FBXO34: variants seen among roughly 807,000 people sequenced by gnomAD.
The protein encoded by FBXO34 is F-box protein 34.
In FBXO34, 12 loss-of-function variants were observed where a neutral mutation model predicts 24.5. That is an observed-to-expected ratio of 0.49 (90% CI 0.31 to 0.79). The LOEUF (loss-of-function observed/expected upper bound fraction) is 0.79, where lower values mean the gene tolerates loss of function less well. FBXO34 is among the 30% of genes least tolerant of loss of function. The pLI is 0.04. For synonymous variants in FBXO34, 320 were observed against 311.9 expected (o/e 1.03, Z -0.27); for missense variants, 823 against 857.7 (o/e 0.96, Z 0.51).
chr14:55,287,884 C>T (rs1881814154), intron 1 of FBXO34, among the ~76,000 whole-genome samples: 2 of 152,180 alleles, frequency 1.3e-5, no homozygotes, highest in South Asian at 2.1e-4. Context: ...TGCATCATGT[C>T]GGCAATAAGC....
chr14:55,321,150 G>A (rs1269422440), intron 1 of FBXO34, among the ~76,000 whole-genome samples: 5 of 144,088 alleles, frequency 3.5e-5, no homozygotes, highest in Non-Finnish European at 7.6e-5. Context: ...GTAAAAGCAA[G>A]GCTGATATGG....
chr14:55,440,788 C>T, the FBXO34 span, among the ~76,000 whole-genome samples: 1 of 152,132 alleles, frequency 6.6e-6, no homozygotes, highest in Non-Finnish European at 1.5e-5. Context: ...TCCTTCGATA[C>T]TCGCAATGTG....
At chr14:55,391,062 T>C in the FBXO34 span, 2 of 1,000,696 alleles carry the variant, frequency 2.0e-6, no homozygotes, top group East Asian at 2.6e-5. Flanking sequence ...CTACCTGGGA[T>C]CACTGCTTAT....
intron 1 of FBXO34, among the ~76,000 whole-genome samples, chr14:55,299,499 AAAAAG>A (rs1294629460): frequency 6.6e-6 from 1 of 152,160 alleles, no homozygotes. Flanking sequence ...AAATCCAAAA[AAAAAG>A]CAAATTCTAG....
intron 1 of FBXO34, among the ~76,000 whole-genome samples, chr14:55,315,540 G>A (rs1415955207): frequency 6.6e-6 from 1 of 152,154 alleles, no homozygotes; most frequent in Non-Finnish European, 1.5e-5. Flanking sequence ...GCCTGTGAAA[G>A]GGTTTATGTA....
At chr14:55,394,026 A>C in the FBXO34 span, among the ~76,000 whole-genome samples, 1 of 124,606 alleles carries the variant, frequency 8.0e-6, no homozygotes, top group African/African-American at 3.1e-5. Flanking sequence ...TTTTTTTTTG[A>C]GATGGAGTGT....
the FBXO34 span, chr14:55,440,430 T>C: frequency 1.9e-6 from 3 of 1,612,910 alleles, no homozygotes; most frequent in Non-Finnish European, 2.5e-6. Flanking sequence ...GAGCTCCAGG[T>C]AGGTCTCCTC....
chr14:55,348,077 TAGAA>T (rs112920022), intron 1 of FBXO34, among the ~76,000 whole-genome samples: 1,700 of 152,338 alleles, frequency 0.011, 14 homozygotes, highest in Middle Eastern at 0.027. Flanking sequence ...AGTATAATGA[TAGAA>T]AGCTATTAAA....
chr14:55,420,830 C>T, the FBXO34 span, among the ~76,000 whole-genome samples: 11 of 152,010 alleles, frequency 7.2e-5, no homozygotes, highest in Non-Finnish European at 1.0e-4. Flanking sequence ...GTGGCCGAGG[C>T]GGGTGGATCA....
At chr14:55,346,205 A>G (rs1284613600) in intron 1 of FBXO34, among the ~76,000 whole-genome samples, 1 of 152,170 alleles carries the variant, frequency 6.6e-6, no homozygotes, top group Non-Finnish European at 1.5e-5. Context: ...AGTGTGAAGT[A>G]TGGTAGAGCA....
Position 55,352,892 on chromosome 14 carries a change from C to T in FBXO34, c.*366C>T, listed in dbSNP as rs1488770431. ...GCAGGTAGTCCTCAAAAATGGGTTC[C>T]AGAAATGTTTTGAGCACTGGCAACA... is the stretch of plus-strand genomic sequence containing the variant. On this transcript the variant is annotated 3_prime_UTR_variant, in exon 2 of 2. Coordinates refer to ENST00000313833, the MANE Select transcript of FBXO34 (RefSeq NM_017943.4). The T allele has an allele frequency of 2.1e-5, 4 of 193,996 alleles. No homozygotes were observed. The highest frequency in any genetic ancestry group is 3.5e-5 in the Non-Finnish European group (3 of 85,546). The allele number at this position is 193,996 out of a possible 1,614,324, so 12.0% of individuals were successfully genotyped here.
At chr14:55,341,590 T>G (rs183474570) in intron 1 of FBXO34, among the ~76,000 whole-genome samples, 132 of 152,372 alleles carry the variant, frequency 8.7e-4, no homozygotes, top group Non-Finnish European at 9.6e-4. Context: ...TCCGAATATC[T>G]GAAAATCCTT....
Position 55,352,181 on chromosome 14 carries a change from C to T in FBXO34, c.1791C>T (p.Ala597=). 1 of 1,614,018 alleles carries T rather than the reference C, an allele frequency of 6.2e-7. No homozygotes were observed. The highest frequency in any genetic ancestry group is 8.5e-7 in the Non-Finnish European group (1 of 1,180,004). ...TACTTCCCACCAAGAGTTTAGTGGCCCTTAAATGTACCTGCTGCTATTTCA... is the reference window on the plus strand; with the variant it reads ...TACTTCCCACCAAGAGTTTAGTGGCTCTTAAATGTACCTGCTGCTATTTCA... ...FRLLPTKSLV[A]LKCTCCYFKF... The change falls in exon 2 of 2, where the codon GCC becomes GCT. Residue 597 remains alanine, a synonymous_variant. Coordinates refer to ENST00000313833, the MANE Select transcript of FBXO34 (RefSeq NM_017943.4).
At chr14:55,414,296 A>T in the FBXO34 span, 1 of 1,058,454 alleles carries the variant, frequency 9.4e-7, no homozygotes, top group Non-Finnish European at 1.4e-6. Context: ...ATCTACAATT[A>T]AACGTAGAAG....
the FBXO34 span, among the ~76,000 whole-genome samples, chr14:55,379,337 A>G: frequency 2.6e-5 from 4 of 152,014 alleles, no homozygotes; most frequent in Non-Finnish European, 4.4e-5. Context: ...GGAGTTCAAG[A>G]CCAGCCTGGG....
chr14:55,300,029 T>C (rs960315357), intron 1 of FBXO34, among the ~76,000 whole-genome samples: 1 of 152,200 alleles, frequency 6.6e-6, no homozygotes, highest in Non-Finnish European at 1.5e-5. Context: ...CCTTGTCTTT[T>C]AAAGATACAG....
chr14:55,347,816 A>G (rs755409986), intron 1 of FBXO34, among the ~76,000 whole-genome samples: 1 of 152,264 alleles, frequency 6.6e-6, no homozygotes, highest in Non-Finnish European at 1.5e-5. Context: ...CAAAGAGAAC[A>G]TATTGTGCAA....
the FBXO34 span, chr14:55,424,008 G>A: frequency 1.8e-6 from 1 of 571,106 alleles, no homozygotes; most frequent in Non-Finnish European, 3.1e-6. Flanking sequence ...TGGGACCTAT[G>A]GGTGATGTTA....
chr14:55,428,983 G>T, the FBXO34 span: 1 of 1,613,632 alleles, frequency 6.2e-7, no homozygotes, highest in Non-Finnish European at 8.5e-7. Flanking sequence ...CACTGGGGAG[G>T]GGCAAATATG....
Sources: allele counts gnomAD v4.1 joint callset (sites outside exome capture counted in the v4.1 genomes callset), GRCh38; gene constraint gnomAD v4.1.1; transcripts MANE v1.5; gene names NCBI Gene and HGNC (gene_info 2026-07-23, HGNC 2026-07-21).